The following CTIF variants were observed in gnomAD, a reference collection of about 807,000 sequenced individuals.
CTIF encodes the protein CBP80/20-dependent translation initiation factor.
CTIF carries 21 observed loss-of-function variants against 66.0 expected under a neutral mutation model. That is an observed-to-expected ratio of 0.32 (90% CI 0.23 to 0.46). CTIF has a LOEUF of 0.46. Among genes scored for constraint, CTIF ranks in the 20% least tolerant of loss-of-function variants. CTIF has a pLI of 1.00. For synonymous variants in CTIF, 345 were observed against 326.4 expected (o/e 1.06, Z -0.62); for missense variants, 739 against 812.7 (o/e 0.91, Z 1.10).
chr18:48,614,717 G>C (rs1422057398), intron 1 of CTIF, among the ~76,000 whole-genome samples: 2 of 152,200 alleles, frequency 1.3e-5, no homozygotes, highest in South Asian at 4.1e-4. Context: ...AGTGGGCACA[G>C]AGTTTCTGTT....
chr18:48,596,828 A>T (rs1459042204), intron 1 of CTIF, among the ~76,000 whole-genome samples: 1 of 151,938 alleles, frequency 6.6e-6, no homozygotes, highest in African/African-American at 2.4e-5. Context: ...CTCATTGGTC[A>T]CTCCTATCTG....
intron 6 of CTIF, among the ~76,000 whole-genome samples, chr18:48,694,468 T>C (rs2091977335): frequency 1.3e-5 from 2 of 152,162 alleles, no homozygotes; most frequent in Non-Finnish European, 2.9e-5. Flanking sequence ...TTCTCCGCCA[T>C]TCCTTCTTGA....
At chr18:48,625,757 T>C (rs2090581980) in intron 2 of CTIF, among the ~76,000 whole-genome samples, 1 of 152,250 alleles carries the variant, frequency 6.6e-6, no homozygotes, top group Admixed American at 6.5e-5. Flanking sequence ...ATTTGCTTAA[T>C]GGTAGGCACT....
intron 6 of CTIF, among the ~76,000 whole-genome samples, chr18:48,678,517 G>T (rs1233085763): frequency 1.3e-5 from 2 of 152,062 alleles, no homozygotes; most frequent in Admixed American, 1.3e-4. Context: ...GAGACCTCCA[G>T]GTAGCAGGTC....
intron 6 of CTIF, among the ~76,000 whole-genome samples, chr18:48,704,576 G>A (rs561704028): frequency 6.1e-4 from 93 of 152,224 alleles, no homozygotes; most frequent in African/African-American, 2.2e-3. Flanking sequence ...TGTCGGCAGG[G>A]CCACACCCGC....
At chr18:48,643,274 G>A (rs1415692157) in intron 3 of CTIF, among the ~76,000 whole-genome samples, 1 of 152,212 alleles carries the variant, frequency 6.6e-6, no homozygotes, top group East Asian at 1.9e-4. Flanking sequence ...ATACATGGGA[G>A]GCTGCAGAAT....
intron 3 of CTIF, among the ~76,000 whole-genome samples, chr18:48,640,507 A>G (rs191607556): frequency 1.3e-5 from 2 of 152,326 alleles, no homozygotes; most frequent in Non-Finnish European, 2.9e-5. Context: ...TGGGGCCATC[A>G]GGATGATGGG....
At chr18:48,686,116 C>T (rs2091836850) in intron 6 of CTIF, among the ~76,000 whole-genome samples, 2 of 152,236 alleles carry the variant, frequency 1.3e-5, no homozygotes, top group African/African-American at 4.8e-5. Flanking sequence ...GAAATGTCAT[C>T]ATGCTGATCA....
Position 48,663,735 on chromosome 18 carries a change from AC to A in CTIF, c.253-12del. 2 of 1,612,496 alleles carry A rather than the reference AC, an allele frequency of 1.2e-6. No individual in the cohort carries two copies. The highest frequency in any genetic ancestry group is 1.1e-5 in the South Asian group (1 of 90,996). On this transcript the variant is annotated splice_polypyrimidine_tract_variant and intron_variant, in intron 3 of 11. Transcript: ENST00000256413. The stretch of plus-strand genomic sequence containing the variant: ...CCGAGCAATTAATGTCAGCCCTTTC[AC>A]CCCCATCTCTTCCAGAATGGCAGCA...
At chr18:48,596,767 C>T (rs1212645216) in intron 1 of CTIF, among the ~76,000 whole-genome samples, 4 of 152,192 alleles carry the variant, frequency 2.6e-5, no homozygotes, top group Non-Finnish European at 5.9e-5. Context: ...TGAGCCACCG[C>T]ACATGTCTGG....
At chr18:48,845,163 G>A (rs1320699370) in intron 10 of CTIF, among the ~76,000 whole-genome samples, 2 of 151,696 alleles carry the variant, frequency 1.3e-5, no homozygotes, top group Non-Finnish European at 2.9e-5. Context: ...GGTTGGGGGT[G>A]GGGGAGAGAG....
At chr18:48,733,132 C>T (rs770892332) in intron 7 of CTIF, among the ~76,000 whole-genome samples, 5 of 152,126 alleles carry the variant, frequency 3.3e-5, no homozygotes, top group Non-Finnish European at 2.9e-5. Flanking sequence ...CCTTCCAAAG[C>T]GTAGCTGCCC....
chr18:48,700,605 A>G (rs955011695), intron 6 of CTIF, among the ~76,000 whole-genome samples: 20 of 152,238 alleles, frequency 1.3e-4, no homozygotes, highest in African/African-American at 4.8e-4. Context: ...GCTAGTTTGT[A>G]TAATGAGCTG....
At chr18:48,598,223 C>T (rs1166214444) in intron 1 of CTIF, among the ~76,000 whole-genome samples, 1 of 152,244 alleles carries the variant, frequency 6.6e-6, no homozygotes, top group African/African-American at 2.4e-5. Context: ...ACCTAAGGAA[C>T]ATCACAGGCA....
chr18:48,630,969 AC>A (rs2090700939), intron 2 of CTIF, among the ~76,000 whole-genome samples: 1 of 151,818 alleles, frequency 6.6e-6, no homozygotes, highest in South Asian at 2.1e-4. Context: ...GAGCCACCGC[AC>A]CCAGCCCGGG....
At chr18:48,767,805 G>C (rs894835858) in intron 9 of CTIF, among the ~76,000 whole-genome samples, 15 of 152,140 alleles carry the variant, frequency 9.9e-5, no homozygotes, top group Admixed American at 3.9e-4. Context: ...AGAGTTTCTG[G>C]CTGGGTCATC....
chr18:48,759,484 G>A (rs1243104989), intron 8 of CTIF, among the ~76,000 whole-genome samples: 3 of 152,276 alleles, frequency 2.0e-5, no homozygotes, highest in Middle Eastern at 6.8e-3. Context: ...CCTCTCCACC[G>A]AGTCCTCTAG....
intron 9 of CTIF, among the ~76,000 whole-genome samples, chr18:48,772,898 G>A (rs1910307431): frequency 6.6e-6 from 1 of 152,194 alleles, no homozygotes; most frequent in African/African-American, 2.4e-5. Flanking sequence ...TTAGCTTTTT[G>A]AGTATCTGCC....
Position 48,540,869 on chromosome 18 carries a change from G to A in CTIF, c.-29+1557G>A, listed in dbSNP as rs567574533. ...CCGCGCGCGCGCGCCCGAGTTACTT[G>A]GAGAGGGGACCGTGCGGCTGTGGGC... On this transcript the variant is annotated intron_variant, in intron 1 of 11. Transcript: ENST00000256413. Among the ~76,000 whole-genome samples, 8 of 152,210 alleles carry A rather than the reference G, an allele frequency of 5.3e-5. No homozygotes were observed. In the East Asian group the frequency reaches 1.6e-3, roughly 30 times the overall value.
Sources: gnomAD v4.1 joint callset for allele counts (sites outside exome capture counted in the v4.1 genomes callset) on GRCh38, gnomAD v4.1.1 for gene constraint, MANE v1.5 for transcripts, NCBI Gene and HGNC (gene_info 2026-07-23, HGNC 2026-07-21) for gene names.